Variants in KCNMA1 observed in about 807,000 individuals in gnomAD.
KCNMA1 encodes the protein Calcium-activated potassium channel subunit alpha-1.
A neutral mutation model predicts 140.0 loss-of-function variants in KCNMA1; 29 were observed. That is an observed-to-expected ratio of 0.21 (90% CI 0.15 to 0.28). KCNMA1 has a LOEUF of 0.28. Ranked by LOEUF, KCNMA1 falls within the 10% of genes least tolerant of loss-of-function variation. The probability of loss-of-function intolerance (pLI) is 1.00; values close to 1 mark genes in which losing one functional copy is unlikely to be tolerated. For synonymous variants in KCNMA1, 612 were observed against 611.9 expected, an observed-to-expected ratio of 1.00 and a Z score of 0.00; for missense variants, 880 against 1,602.2, an observed-to-expected ratio of 0.55 and a Z score of 7.70.
chr10:77,560,894 C>A (rs1384233165), intron 1 of KCNMA1, among the ~76,000 whole-genome samples: 2 of 152,182 alleles, frequency 1.3e-5, no homozygotes, highest in Non-Finnish European at 2.9e-5. Flanking sequence ...GAGGCTCCAG[C>A]AAACAACTAG....
At chr10:77,325,938 T>G (rs1389381069) in intron 2 of KCNMA1, among the ~76,000 whole-genome samples, 1 of 152,158 alleles carries the variant, frequency 6.6e-6, no homozygotes, top group Non-Finnish European at 1.5e-5. Context: ...TGAACTCACA[T>G]GGTCCTTTGA....
chr10:77,012,153 T>C (rs2090938010), intron 17 of KCNMA1, 110 bp from the exon 18 acceptor site: 1 of 1,582,450 alleles, frequency 6.3e-7, no homozygotes, highest in Non-Finnish European at 8.6e-7. Context: ...CCAGCATTAA[T>C]TTCCTTTAAT....
chr10:77,585,841 A>G (rs948561105), intron 1 of KCNMA1, among the ~76,000 whole-genome samples: 9 of 152,166 alleles, frequency 5.9e-5, no homozygotes, highest in African/African-American at 2.2e-4. Flanking sequence ...ACTGAGATTC[A>G]TGCATTGTTA....
At chr10:77,575,488 C>A (rs1355429058) in intron 1 of KCNMA1, among the ~76,000 whole-genome samples, 1 of 152,206 alleles carries the variant, frequency 6.6e-6, no homozygotes, top group African/African-American at 2.4e-5. Flanking sequence ...CTGCACCTTT[C>A]TGGACAGATG....
chr10:77,553,233 T>TC (rs917311720), intron 1 of KCNMA1, among the ~76,000 whole-genome samples: 4 of 152,264 alleles, frequency 2.6e-5, no homozygotes, highest in East Asian at 1.9e-4. Flanking sequence ...TTCTTTTTTT[T>TC]CCCCCGTGGG....
Position 77,607,827 on chromosome 10 carries a change from C to T in KCNMA1, c.378+29438G>A, listed in dbSNP as rs80188162. Among the ~76,000 whole-genome samples the T allele has an allele frequency of 1.8e-3, 273 of 152,260 alleles. 4 individuals carry two copies. The highest frequency in any genetic ancestry group is 6.4e-3 in the African/African-American group (265 of 41,546). ...GGAGTATATTTGTGTTATCTTAAGG[C>T]ACTATGTTTGTGGTCGTTACAGCAG... On this transcript the variant is annotated intron_variant, in intron 1 of 27. Coordinates refer to ENST00000286628, the MANE Select transcript of KCNMA1 (RefSeq NM_001161352.2).
intron 2 of KCNMA1, among the ~76,000 whole-genome samples, chr10:77,383,412 ATTT>A (rs11326515): frequency 2.1e-3 from 308 of 143,532 alleles, no homozygotes; most frequent in African/African-American, 7.2e-3. Context: ...TAACCTCGAG[ATTT>A]TTTTTTTTTT....
chr10:76,911,090 G>A (rs2049998310), intron 24 of KCNMA1: 5 of 152,130 alleles, frequency 3.3e-5, no homozygotes, highest in Admixed American at 3.3e-4. Context: ...TTTAGGAAGA[G>A]AACAGATGAG....
chr10:77,257,553 T>C (rs2061033157), intron 2 of KCNMA1, among the ~76,000 whole-genome samples: 1 of 152,176 alleles, frequency 6.6e-6, no homozygotes, highest in Non-Finnish European at 1.5e-5. Flanking sequence ...AGAAGAATTT[T>C]TGACATTCCA....
At chr10:77,454,012 T>C (rs1415430170) in intron 1 of KCNMA1, among the ~76,000 whole-genome samples, 1 of 151,992 alleles carries the variant, frequency 6.6e-6, no homozygotes, top group African/African-American at 2.4e-5. Context: ...CTAATAAAGC[T>C]CAAAGGCAAG....
intron 3 of KCNMA1, among the ~76,000 whole-genome samples, chr10:77,240,702 A>G (rs2057047954): frequency 6.6e-6 from 1 of 152,228 alleles, no homozygotes; most frequent in African/African-American, 2.4e-5. Context: ...TCTGGCCACT[A>G]GAGCCTGCAT....
At chr10:77,607,241 T>C (rs1408615468) in intron 1 of KCNMA1, among the ~76,000 whole-genome samples, 3 of 152,214 alleles carry the variant, frequency 2.0e-5, no homozygotes, top group Non-Finnish European at 2.9e-5. Flanking sequence ...AGGAGGATAA[T>C]GGACAGTGGA....
At chr10:76,984,388 C>T (rs2080566774) in intron 19 of KCNMA1, among the ~76,000 whole-genome samples, 1 of 151,980 alleles carries the variant, frequency 6.6e-6, no homozygotes, top group African/African-American at 2.4e-5. Context: ...CGGGGTTTCA[C>T]CGTGTTGGCC....
intron 17 of KCNMA1, among the ~76,000 whole-genome samples, chr10:77,016,901 T>A (rs1467720138): frequency 1.3e-5 from 2 of 152,182 alleles, no homozygotes; most frequent in Non-Finnish European, 2.9e-5. Flanking sequence ...GAGATCATCA[T>A]AATCTACTTT....
At chr10:77,333,094 G>A (rs756760499) in intron 2 of KCNMA1, among the ~76,000 whole-genome samples, 1 of 152,154 alleles carries the variant, frequency 6.6e-6, no homozygotes, top group East Asian at 1.9e-4. Flanking sequence ...ATCTGGTCAA[G>A]GAAGGTCTCG....
chr10:77,598,661 C>T (rs1262342438), intron 1 of KCNMA1, among the ~76,000 whole-genome samples: 1 of 152,172 alleles, frequency 6.6e-6, no homozygotes, highest in African/African-American at 2.4e-5. Flanking sequence ...CTCAGAGGAG[C>T]AGTGTGGAGG....
chr10:77,230,683 C>A (rs534113434), intron 3 of KCNMA1, among the ~76,000 whole-genome samples: 1 of 152,238 alleles, frequency 6.6e-6, no homozygotes, highest in Non-Finnish European at 1.5e-5. Context: ...AAAAGAAGAA[C>A]AATATTGAGA....
intron 2 of KCNMA1, among the ~76,000 whole-genome samples, chr10:77,332,619 C>T (rs1257561417): frequency 6.6e-6 from 1 of 152,158 alleles, no homozygotes; most frequent in Non-Finnish European, 1.5e-5. Flanking sequence ...GAGCACCAGG[C>T]ATGGAACACT....
Position 76,885,044 on chromosome 10 carries a change from A to C in KCNMA1, c.*2222T>G. The C allele has an allele frequency of 1.3e-6, 2 of 1,548,038 alleles. No homozygotes were observed. Among genetic ancestry groups the C allele is most frequent in the Non-Finnish European group, 1.7e-6 (2 of 1,145,866 alleles). On this transcript the variant is annotated 3_prime_UTR_variant, in exon 28 of 28. Coordinates refer to ENST00000286628, the MANE Select transcript of KCNMA1 (RefSeq NM_001161352.2). ...TTTAGAGAGAGAAGTAAGCTATGTG[A>C]GTTTTACAATGCTTTTAAACTGTCA...
Sources: allele counts gnomAD v4.1 joint callset (sites outside exome capture counted in the v4.1 genomes callset), GRCh38; gene constraint gnomAD v4.1.1; transcripts MANE v1.5; gene names NCBI Gene and HGNC (gene_info 2026-07-23, HGNC 2026-07-21).